The following GRID2 variants were observed in gnomAD, a reference collection of about 807,000 sequenced individuals.
GRID2 encodes glutamate receptor ionotropic, delta-2.
In GRID2, 33 loss-of-function variants were observed where a neutral mutation model predicts 114.8. The ratio of observed to expected loss-of-function variants is 0.29; its 90% CI spans 0.22 to 0.38. The LOEUF (loss-of-function observed/expected upper bound fraction) is 0.38, where lower values mean the gene tolerates loss of function less well. GRID2 is among the 10% of genes least tolerant of loss of function. The probability of loss-of-function intolerance (pLI) is 1.00; values close to 1 mark genes in which losing one functional copy is unlikely to be tolerated. For synonymous variants in GRID2, 505 were observed against 449.9 expected (o/e 1.12, Z -1.55); for missense variants, 1,184 against 1,257.7 (o/e 0.94, Z 0.89).
intron 13 of GRID2, among the ~76,000 whole-genome samples, chr4:93,622,509 A>C (rs1320237951): frequency 6.6e-6 from 1 of 152,212 alleles, no homozygotes; most frequent in Non-Finnish European, 1.5e-5. Context: ...CTAACACAAA[A>C]ATCCCCTAGT....
intron 2 of GRID2, among the ~76,000 whole-genome samples, chr4:92,792,529 T>C (rs1327153961): frequency 6.6e-6 from 1 of 151,352 alleles, no homozygotes; most frequent in African/African-American, 2.4e-5. Flanking sequence ...TCCCTTTCTC[T>C]CTTAGCTTTT....
intron 1 of GRID2, among the ~76,000 whole-genome samples, chr4:92,431,424 T>A (rs1732442529): frequency 6.6e-6 from 1 of 152,188 alleles, no homozygotes; most frequent in African/African-American, 2.4e-5. Flanking sequence ...AAATGTTGAA[T>A]CATCCTTGCA....
chr4:93,804,885 T>C (rs531284249), intron 1 of GRID2, among the ~76,000 whole-genome samples: 2 of 152,336 alleles, frequency 1.3e-5, no homozygotes, highest in African/African-American at 4.8e-5. Flanking sequence ...TTAGTCTTCA[T>C]TGTTTAACTT....
chr4:93,291,110 C>T (rs1471749361), intron 8 of GRID2, among the ~76,000 whole-genome samples: 5 of 151,418 alleles, frequency 3.3e-5, no homozygotes, highest in Non-Finnish European at 5.9e-5. Flanking sequence ...ATATCCTGGC[C>T]TCTTGATCCG....
At chr4:93,750,149 C>G (rs898577367) in intron 14 of GRID2, among the ~76,000 whole-genome samples, 1 of 152,206 alleles carries the variant, frequency 6.6e-6, no homozygotes, top group Non-Finnish European at 1.5e-5. Flanking sequence ...ATCTATAAGA[C>G]ACCATTACCT....
At chr4:93,155,617 C>T (rs901495958) in intron 4 of GRID2, among the ~76,000 whole-genome samples, 4 of 151,800 alleles carry the variant, frequency 2.6e-5, no homozygotes, top group African/African-American at 7.3e-5. Flanking sequence ...AGTAAGATGA[C>T]GTAAGAATTA....
chr4:93,185,112 T>C (rs904069301), intron 4 of GRID2, among the ~76,000 whole-genome samples: 1 of 152,316 alleles, frequency 6.6e-6, no homozygotes, highest in Admixed American at 6.5e-5. Flanking sequence ...GAAGAAAAGA[T>C]GTATTTGATT....
intron 13 of GRID2, among the ~76,000 whole-genome samples, chr4:93,616,204 C>T (rs773229999): frequency 6.6e-5 from 10 of 152,154 alleles, no homozygotes; most frequent in Non-Finnish European, 1.5e-4. Context: ...ACAAGCTGTG[C>T]AGTTCATTTT....
At chr4:92,557,479 C>G (rs1225171845) in intron 1 of GRID2, among the ~76,000 whole-genome samples, 2 of 150,976 alleles carry the variant, frequency 1.3e-5, no homozygotes, top group Non-Finnish European at 3.0e-5. Flanking sequence ...CTCAGTATAT[C>G]CTAACACATA....
chr4:92,615,396 T>C (rs796581089), intron 2 of GRID2, among the ~76,000 whole-genome samples: 19 of 151,680 alleles, frequency 1.3e-4, no homozygotes, highest in African/African-American at 4.3e-4. Flanking sequence ...GGCTTCAACA[T>C]ATAAATTTGA....
intron 2 of GRID2, among the ~76,000 whole-genome samples, chr4:93,066,089 A>G (rs763130349): frequency 9.9e-5 from 15 of 151,940 alleles, no homozygotes; most frequent in Non-Finnish European, 1.8e-4. Flanking sequence ...GCTAAAAAGC[A>G]TAGAACCAGA....
intron 2 of GRID2, among the ~76,000 whole-genome samples, chr4:92,755,654 A>C (rs1463253747): frequency 6.6e-6 from 1 of 152,178 alleles, no homozygotes; most frequent in African/African-American, 2.4e-5. Context: ...TGTATTAATG[A>C]AACAAAAAGG....
At chr4:92,854,464 C>A (rs2149426909) in intron 2 of GRID2, among the ~76,000 whole-genome samples, 1 of 151,834 alleles carries the variant, frequency 6.6e-6, no homozygotes, top group Non-Finnish European at 1.5e-5. Flanking sequence ...TATTCTTATA[C>A]CACAATGAGA....
intron 8 of GRID2, among the ~76,000 whole-genome samples, chr4:93,326,309 T>A (rs1366426640): frequency 6.6e-6 from 1 of 152,192 alleles, no homozygotes; most frequent in Non-Finnish European, 1.5e-5. Context: ...ACTGGGCTGC[T>A]ACAGATACCT....
At position 93,719,020 on chromosome 4, in the gene GRID2, GC is replaced by G. The variant is rs1337582783; in HGVS notation, c.2361-50189del. On this transcript the variant is annotated intron_variant, in intron 14 of 15. Coordinates refer to ENST00000282020, the MANE Select transcript of GRID2 (RefSeq NM_001510.4). ...AAGGAAATATAAAAATTCTTTGAAA[GC>G]TTTTGGATGATAATATTTATATATT... Among the ~76,000 whole-genome samples the G allele has an allele frequency of 2.6e-5, 4 of 151,918 alleles. No homozygotes were observed. In the East Asian group the frequency reaches 7.7e-4, roughly 29 times the overall value.
At chr4:93,586,420 AC>A (rs1223292711) in intron 13 of GRID2, among the ~76,000 whole-genome samples, 1 of 152,114 alleles carries the variant, frequency 6.6e-6, no homozygotes, top group Non-Finnish European at 1.5e-5. Flanking sequence ...TCAAATGAGT[AC>A]CCCTCTGCCA....
At chr4:92,412,302 C>A (rs933277558) in intron 1 of GRID2, among the ~76,000 whole-genome samples, 5 of 151,950 alleles carry the variant, frequency 3.3e-5, no homozygotes, top group African/African-American at 1.2e-4. Flanking sequence ...TTATTTATTG[C>A]ATATTTTTAA....
At chr4:93,170,018 C>T (rs1738641676) in intron 4 of GRID2, among the ~76,000 whole-genome samples, 2 of 152,090 alleles carry the variant, frequency 1.3e-5, no homozygotes, top group Non-Finnish European at 1.5e-5. Context: ...TTTCATCATG[C>T]CTTGTATAGG....
At chr4:92,437,432 A>C (rs1732788231) in intron 1 of GRID2, among the ~76,000 whole-genome samples, 1 of 152,148 alleles carries the variant, frequency 6.6e-6, no homozygotes, top group South Asian at 2.1e-4. Context: ...GGCATGCCTC[A>C]AATAGCCCAG....
Sources: allele counts gnomAD v4.1 joint callset (sites outside exome capture counted in the v4.1 genomes callset), GRCh38; gene constraint gnomAD v4.1.1; transcripts MANE v1.5; gene names NCBI Gene and HGNC (gene_info 2026-07-23, HGNC 2026-07-21).